The following BMAL1 variants were observed in gnomAD, a reference collection of about 807,000 sequenced individuals.
BMAL1 encodes the protein basic helix-loop-helix ARNT like 1.
the BMAL1 span, among the ~76,000 whole-genome samples, chr11:13,312,009 G>A: frequency 1.3e-5 from 2 of 152,172 alleles, no homozygotes; most frequent in Admixed American, 6.5e-5. Context: ...TGTGCTCTGA[G>A]TATTTTGAGT....
the BMAL1 span, among the ~76,000 whole-genome samples, chr11:13,285,231 AT>A: frequency 6.6e-6 from 1 of 152,068 alleles, no homozygotes; most frequent in Non-Finnish European, 1.5e-5. Flanking sequence ...CAGTTGTCTC[AT>A]TTTTTAATTG....
the BMAL1 span, chr11:13,353,360 C>T: frequency 1.1e-4 from 17 of 153,782 alleles, no homozygotes; most frequent in African/African-American, 4.1e-4. Context: ...GGATGACCAT[C>T]CCCGATAGAG....
At chr11:13,381,729 T>C in the BMAL1 span, among the ~76,000 whole-genome samples, 3 of 152,314 alleles carry the variant, frequency 2.0e-5, no homozygotes, top group Admixed American at 6.5e-5. Flanking sequence ...GGGGGTTCCA[T>C]TGGTGTGACA....
chr11:13,360,518 C>T, the BMAL1 span: 5 of 1,011,568 alleles, frequency 4.9e-6, no homozygotes, highest in South Asian at 6.8e-5. Context: ...CAACACTGAG[C>T]TTTTTTTTTT....
At chr11:13,292,059 G>A in the BMAL1 span, among the ~76,000 whole-genome samples, 1 of 152,158 alleles carries the variant, frequency 6.6e-6, no homozygotes, top group South Asian at 2.1e-4. Context: ...TAAAAGAAGA[G>A]CTCTGGTTGT....
At chr11:13,307,024 G>A in the BMAL1 span, among the ~76,000 whole-genome samples, 74 of 152,304 alleles carry the variant, frequency 4.9e-4, no homozygotes, top group African/African-American at 1.6e-3. Flanking sequence ...GCCCAGGTTG[G>A]TGATGTGCCT....
At chr11:13,354,960 A>G in the BMAL1 span, 1 of 295,262 alleles carries the variant, frequency 3.4e-6, no homozygotes. Context: ...TGAACTTGTT[A>G]TATTAAATAG....
chr11:13,328,643 G>A, the BMAL1 span, among the ~76,000 whole-genome samples: 1 of 152,190 alleles, frequency 6.6e-6, no homozygotes, highest in African/African-American at 2.4e-5. Flanking sequence ...CTCTGTAGAT[G>A]GAAATGGAAC....
the BMAL1 span, chr11:13,386,824 T>A: frequency 6.4e-7 from 1 of 1,554,794 alleles, no homozygotes; most frequent in Non-Finnish European, 8.8e-7. Flanking sequence ...TTACAGTCTG[T>A]GAAGCTTACT....
chr11:13,355,036 C>T, the BMAL1 span: 5 of 448,190 alleles, frequency 1.1e-5, no homozygotes, highest in South Asian at 2.6e-4. Context: ...CACTTACAGT[C>T]ATCCCTTCTA....
At chr11:13,386,347 A>T in the BMAL1 span, among the ~76,000 whole-genome samples, 3 of 125,882 alleles carry the variant, frequency 2.4e-5, no homozygotes, top group Non-Finnish European at 5.2e-5. Flanking sequence ...TTCTAAAATG[A>T]TCATTTGATT....
chr11:13,310,138 T>C, the BMAL1 span: 1 of 152,666 alleles, frequency 6.6e-6, no homozygotes, highest in Non-Finnish European at 1.5e-5. Context: ...GTAGTTATCA[T>C]TGGCAAGTTC....
chr11:13,326,581 G>A, the BMAL1 span: 1 of 152,320 alleles, frequency 6.6e-6, no homozygotes. Flanking sequence ...GTAGTTAAGA[G>A]TATGGGCTTA....
chr11:13,378,526 A>C, the BMAL1 span: 24 of 1,543,974 alleles, frequency 1.6e-5, no homozygotes, highest in Non-Finnish European at 3.5e-6. Flanking sequence ...AATATTTTGC[A>C]ATGTCAGGAG....
chr11:13,284,292 C>T, the BMAL1 span, among the ~76,000 whole-genome samples: 3 of 134,062 alleles, frequency 2.2e-5, no homozygotes, highest in Non-Finnish European at 3.1e-5. Flanking sequence ...CCAGTTGTTC[C>T]CCAAATACAT....
the BMAL1 span, among the ~76,000 whole-genome samples, chr11:13,280,946 C>T: frequency 6.6e-6 from 1 of 152,306 alleles, no homozygotes. Flanking sequence ...GCAGAAGAAT[C>T]CATGGCTCAG....
the BMAL1 span, among the ~76,000 whole-genome samples, chr11:13,285,065 G>C: frequency 7.6e-4 from 116 of 152,166 alleles, no homozygotes; most frequent in Non-Finnish European, 1.2e-3. Flanking sequence ...GCCCGTGCCT[G>C]CCTTGGATCT....
At chr11:13,351,374 T>C in the BMAL1 span, among the ~76,000 whole-genome samples, 2 of 145,698 alleles carry the variant, frequency 1.4e-5, no homozygotes, top group African/African-American at 5.5e-5. Flanking sequence ...ACTGAGAGGC[T>C]TGGCTTGGAG....
chr11:13,312,697 C>T, the BMAL1 span, among the ~76,000 whole-genome samples: 1 of 152,210 alleles, frequency 6.6e-6, no homozygotes, highest in Non-Finnish European at 1.5e-5. Context: ...GCTCCAAAGG[C>T]AGGCTCCTAT....
Sources: allele counts gnomAD v4.1 joint callset (sites outside exome capture counted in the v4.1 genomes callset), GRCh38; gene constraint gnomAD v4.1.1; transcripts MANE v1.5; gene names NCBI Gene and HGNC (gene_info 2026-07-23, HGNC 2026-07-21).